H2AC12: variants seen among roughly 807,000 people sequenced by gnomAD.
H2AC12 encodes the protein histone H2A type 1-H.
Under a neutral mutation model 5.8 loss-of-function variants are expected in H2AC12, and 9 were observed. The ratio of observed to expected loss-of-function variants is 1.56; its 90% CI spans 0.94 to 2.71. The LOEUF (loss-of-function observed/expected upper bound fraction) is 2.71. H2AC12 is among the 30% of genes most tolerant of loss of function. H2AC12 has a pLI of 0.00. For missense variants in H2AC12, 232 were observed against 173.1 expected, an observed-to-expected ratio of 1.34 and a Z score of -1.91; for synonymous variants, 158 against 78.1, an observed-to-expected ratio of 2.02 and a Z score of -5.39.
At position 27,147,410 on chromosome 6, in the gene H2AC12, C is replaced by G. The variant is rs960381665; in HGVS notation, c.282C>G (p.Leu94=). ...TGGCCATCCGCAACGACGAGGAGCT[C>G]AACAAGCTGCTGGGCAAAGTCACCA... ...LQLAIRNDEE[L]NKLLGKVTIA... Residue 94 remains leucine (L), a synonymous_variant, in exon 1 of 1, where the codon CTC becomes CTG. Coordinates refer to ENST00000377459, the MANE Select transcript of H2AC12 (RefSeq NM_080596.3). The G allele has an allele frequency of 1.2e-6, 2 of 1,614,090 alleles. No homozygotes were observed. Among genetic ancestry groups the G allele is most frequent in the Admixed American group, 1.7e-5 (1 of 60,000 alleles).
At position 27,147,107 on chromosome 6, in the gene H2AC12, C is replaced by A. The variant is rs749980817; in HGVS notation, c.-22C>A. 1.1e-5 allele frequency: 18 copies of A among 1,579,028 alleles called. No individual in the cohort carries two copies. The Admixed American group carries it at 2.7e-4, about 23-fold the overall frequency. The stretch of plus-strand genomic sequence containing the variant: ...AGGCGCTGCCTTTCCTCGTTGGCTA[C>A]TTTCAGTAAGTTGTGACCAGTATGT... On this transcript the variant is annotated 5_prime_UTR_variant, in exon 1 of 1. Transcript: ENST00000377459.
Position 27,147,136 on chromosome 6 carries a change from G to A in H2AC12, c.8G>A (p.Gly3Glu), listed in dbSNP as rs759523598. The A allele has an allele frequency of 1.9e-6, 3 of 1,610,984 alleles. No individual in the cohort carries two copies. The highest frequency in any genetic ancestry group is 1.7e-6 in the Non-Finnish European group (2 of 1,178,150). The change falls in exon 1 of 1, where the codon GGA (glycine) becomes GAA (glutamate). Residue 3 changes from glycine to glutamate, a missense_variant. Gly to Glu is a moderately conservative substitution (Grantham distance 98). Transcript: ENST00000377459. MS[G>E]RGKQGGKARA... ...CAGTAAGTTGTGACCAGTATGTCTG[G>A]ACGTGGCAAGCAAGGCGGTAAAGCT...
chr6:27,147,458 C>T lies in H2AC12; in HGVS notation c.330C>T (p.Pro110=), dbSNP rs140932541. Residue 110 remains proline, a synonymous_variant, in exon 1 of 1, where the codon CCC becomes CCT. Transcript: ENST00000377459. ...KVTIAQGGVL[P]NIQAVLLPKK... is the part of the protein sequence containing the mutation. ...CCATCGCGCAGGGTGGTGTCTTGCCCAATATCCAGGCCGTGCTGCTGCCTA... is the reference window on the plus strand; with the variant it reads ...CCATCGCGCAGGGTGGTGTCTTGCCTAATATCCAGGCCGTGCTGCTGCCTA... 1.7e-4 allele frequency: 272 copies of T among 1,614,178 alleles called. 1 individual carries two copies. The African/African-American group carries it at 2.7e-3, about 16-fold the overall frequency.
In H2AC12 at chr6:27,147,559, G is replaced by A. The variant is rs1760127593; in HGVS notation, c.*44G>A. 6.2e-7 allele frequency: 1 copy of A among 1,603,564 alleles called. No individual in the cohort carries two copies. Among genetic ancestry groups the A allele is most frequent in the Non-Finnish European group, 8.5e-7 (1 of 1,173,176 alleles). On this transcript the variant is annotated 3_prime_UTR_variant, in exon 1 of 1. Coordinates refer to ENST00000377459, the MANE Select transcript of H2AC12 (RefSeq NM_080596.3). ...CTGGAAAACAAAGGCTCTTTTCAGA[G>A]CCATTCTACACTGTCTTAGAGAAAG... is the stretch of plus-strand genomic sequence containing the variant.
Position 27,147,172 on chromosome 6 carries a change from C to T in H2AC12, c.44C>T (p.Ala15Val), listed in dbSNP as rs757603162. The change falls in exon 1 of 1, where the codon GCC (alanine) becomes GTC (valine). Residue 15 changes from alanine to valine, a missense_variant. Transcript: ENST00000377459. ...GKQGGKARAK[A>V]KTRSSRAGLQ... ...CAAGGCGGTAAAGCTCGCGCCAAGG[C>T]CAAGACCCGCTCTTCTCGGGCTGGG... is the stretch of plus-strand genomic sequence containing the variant. The T allele has an allele frequency of 3.1e-6, 5 of 1,613,610 alleles. No individual in the cohort carries two copies. The highest frequency in any genetic ancestry group is 2.2e-5 in the East Asian group (1 of 44,886).
At position 27,147,233 on chromosome 6, in the gene H2AC12, C is replaced by G; in HGVS notation, c.105C>G (p.Leu35=). The G allele has an allele frequency of 6.2e-7, 1 of 1,614,180 alleles. No individual in the cohort carries two copies. Among genetic ancestry groups the G allele is most frequent in the Non-Finnish European group, 8.5e-7 (1 of 1,180,038 alleles). The change falls in exon 1 of 1, where the codon CTC becomes CTG. Residue 35 remains leucine, a synonymous_variant. Coordinates refer to ENST00000377459, the MANE Select transcript of H2AC12 (RefSeq NM_080596.3). The stretch of plus-strand genomic sequence containing the variant: ...CCGTGGGCCGAGTGCACCGCCTGCT[C>G]CGCAAGGGTAATTATGCCGAGCGGG... ...QFPVGRVHRL[L]RKGNYAERVG...
In H2AC12 at chr6:27,147,163, G is replaced by T; in HGVS notation, c.35G>T (p.Arg12Leu). 1 of 1,613,186 alleles carries T rather than the reference G, an allele frequency of 6.2e-7. No homozygotes were observed. Among genetic ancestry groups the T allele is most frequent in the Non-Finnish European group, 8.5e-7 (1 of 1,179,468 alleles). The change falls in exon 1 of 1, where the codon CGC becomes CTC. Residue 12 changes from arginine (R) to leucine (L), a missense_variant. Transcript: ENST00000377459. ...CGTGGCAAGCAAGGCGGTAAAGCTC[G>T]CGCCAAGGCCAAGACCCGCTCTTCT... The part of the protein sequence containing the change: ...SGRGKQGGKA[R>L]AKAKTRSSRA...
rs1261735703 is a variant in H2AC12, at chr6:27,147,198, C to T, written c.70C>T (p.Leu24Phe). 8.7e-6 allele frequency: 14 copies of T among 1,614,046 alleles called. No homozygotes were observed. Among genetic ancestry groups the T allele is most frequent in the South Asian group, 1.1e-5 (1 of 91,086 alleles). The stretch of plus-strand genomic sequence containing the variant: ...CAAGACCCGCTCTTCTCGGGCTGGG[C>T]TTCAGTTCCCCGTGGGCCGAGTGCA... Reference protein sequence around the residue: ...KAKTRSSRAGLQFPVGRVHRL... With the variant: ...KAKTRSSRAGFQFPVGRVHRL... Residue 24 changes from leucine (L) to phenylalanine (F), a missense_variant, in exon 1 of 1, where the codon CTT becomes TTT. Transcript: ENST00000377459.
In H2AC12 at chr6:27,147,554, T is replaced by C. The variant is rs761461771; in HGVS notation, c.*39T>C. ...GAAAACTGGAAAACAAAGGCTCTTT[T>C]CAGAGCCATTCTACACTGTCTTAGA... On this transcript the variant is annotated 3_prime_UTR_variant, in exon 1 of 1. Transcript: ENST00000377459. The C allele has an allele frequency of 6.2e-7, 1 of 1,605,212 alleles. No individual in the cohort carries two copies. The highest frequency in any genetic ancestry group is 8.5e-7 in the Non-Finnish European group (1 of 1,174,162).
In H2AC12 at chr6:27,147,186, T is replaced by A. The variant is rs1014292781; in HGVS notation, c.58T>A (p.Ser20Thr). ...TCGCGCCAAGGCCAAGACCCGCTCTTCTCGGGCTGGGCTTCAGTTCCCCGT... is the reference window on the plus strand; with the variant it reads ...TCGCGCCAAGGCCAAGACCCGCTCTACTCGGGCTGGGCTTCAGTTCCCCGT... ...KARAKAKTRSSRAGLQFPVGR... is the reference protein window; with the variant it reads ...KARAKAKTRSTRAGLQFPVGR... The change falls in exon 1 of 1, where the codon TCT becomes ACT. Residue 20 changes from serine to threonine, a missense_variant. Physicochemically the swap from Ser to Thr is moderately conservative, Grantham distance 58. Transcript: ENST00000377459. 1.2e-6 allele frequency: 2 copies of A among 1,614,040 alleles called. No homozygotes were observed. Among genetic ancestry groups the A allele is most frequent in the Non-Finnish European group, 8.5e-7 (1 of 1,179,934 alleles).
At position 27,147,507 on chromosome 6, in the gene H2AC12, G is replaced by A. The variant is rs560134956; in HGVS notation, c.379G>A (p.Ala127Thr). Residue 127 changes from alanine to threonine, a missense_variant, in exon 1 of 1, where the codon GCC becomes ACC. By Grantham distance (58) the Ala-to-Thr change is moderately conservative. Coordinates refer to ENST00000377459, the MANE Select transcript of H2AC12 (RefSeq NM_080596.3). Reference protein sequence around the residue: ...LPKKTESHHKAK With the variant: ...LPKKTESHHKTK ...TAAGAAGACTGAGAGCCACCATAAGGCCAAATAAGGAGCGAGGTTGTGAAA... is the reference window on the plus strand; with the variant it reads ...TAAGAAGACTGAGAGCCACCATAAGACCAAATAAGGAGCGAGGTTGTGAAA... 3.7e-6 allele frequency: 6 copies of A among 1,614,000 alleles called. No individual in the cohort carries two copies. Among genetic ancestry groups the A allele is most frequent in the African/African-American group, 2.7e-5 (2 of 75,014 alleles).
Position 27,147,119 on chromosome 6 carries a change from T to G in H2AC12, c.-10T>G. 6.2e-7 allele frequency: 1 copy of G among 1,603,010 alleles called. No individual in the cohort carries two copies. The highest frequency in any genetic ancestry group is 8.5e-7 in the Non-Finnish European group (1 of 1,174,538). On this transcript the variant is annotated 5_prime_UTR_variant, in exon 1 of 1. Coordinates refer to ENST00000377459, the MANE Select transcript of H2AC12 (RefSeq NM_080596.3). ...TCCTCGTTGGCTACTTTCAGTAAGT[T>G]GTGACCAGTATGTCTGGACGTGGCA...
At position 27,147,225 on chromosome 6, in the gene H2AC12, C is replaced by T. The variant is rs1214702425; in HGVS notation, c.97C>T (p.Arg33Cys). Reference protein sequence around the residue: ...GLQFPVGRVHRLLRKGNYAER... With the variant: ...GLQFPVGRVHCLLRKGNYAER... ...TCAGTTCCCCGTGGGCCGAGTGCAC[C>T]GCCTGCTCCGCAAGGGTAATTATGC... The change falls in exon 1 of 1, where the codon CGC (arginine) becomes TGC (cysteine). Residue 33 changes from arginine (R) to cysteine (C), a missense_variant. Transcript: ENST00000377459. The T allele has an allele frequency of 3.1e-6, 5 of 1,614,160 alleles. 1 individual carries two copies. The highest frequency in any genetic ancestry group is 4.2e-6 in the Non-Finnish European group (5 of 1,180,032).
Position 27,147,286 on chromosome 6 carries a change from C to T in H2AC12, c.158C>T (p.Ala53Val), listed in dbSNP as rs1480020382. ...RVGAGAPVYL[A>V]AVLEYLTAEI... ...GGAGCCGGCGCGCCAGTGTACCTGGCTGCGGTGCTGGAGTACCTGACCGCT... is the reference window on the plus strand; with the variant it reads ...GGAGCCGGCGCGCCAGTGTACCTGGTTGCGGTGCTGGAGTACCTGACCGCT... Residue 53 changes from alanine (A) to valine (V), a missense_variant, in exon 1 of 1, where the codon GCT (alanine) becomes GTT (valine). Coordinates refer to ENST00000377459, the MANE Select transcript of H2AC12 (RefSeq NM_080596.3). 3 of 1,614,174 alleles carry T rather than the reference C, an allele frequency of 1.9e-6. No homozygotes were observed. Among genetic ancestry groups the T allele is most frequent in the East Asian group, 2.2e-5 (1 of 44,876 alleles).
rs762858199 is a variant in H2AC12, at chr6:27,147,191, G to C, written c.63G>C (p.Arg21=). The change falls in exon 1 of 1, where the codon CGG becomes CGC. Residue 21 remains arginine (R), a synonymous_variant. Coordinates refer to ENST00000377459, the MANE Select transcript of H2AC12 (RefSeq NM_080596.3). ...CCAAGGCCAAGACCCGCTCTTCTCG[G>C]GCTGGGCTTCAGTTCCCCGTGGGCC... ...ARAKAKTRSS[R]AGLQFPVGRV... 32 of 1,614,016 alleles carry C rather than the reference G, an allele frequency of 2.0e-5. No homozygotes were observed. The East Asian group carries it at 6.9e-4, about 35-fold the overall frequency.
At position 27,147,227 on chromosome 6, in the gene H2AC12, C is replaced by A. The variant is rs574703856; in HGVS notation, c.99C>A (p.Arg33=). The part of the protein sequence containing the change: ...GLQFPVGRVH[R]LLRKGNYAER... ...AGTTCCCCGTGGGCCGAGTGCACCG[C>A]CTGCTCCGCAAGGGTAATTATGCCG... Residue 33 remains arginine, a synonymous_variant, in exon 1 of 1, where the codon CGC becomes CGA. Transcript: ENST00000377459. The A allele has an allele frequency of 6.2e-7, 1 of 1,614,168 alleles. No homozygotes were observed. The highest frequency in any genetic ancestry group is 1.3e-5 in the African/African-American group (1 of 75,054).
chr6:27,147,560 C>G lies in H2AC12; in HGVS notation c.*45C>G, dbSNP rs890431679. On this transcript the variant is annotated 3_prime_UTR_variant, in exon 1 of 1. Transcript: ENST00000377459. ...TGGAAAACAAAGGCTCTTTTCAGAG[C>G]CATTCTACACTGTCTTAGAGAAAGC... 1 of 1,595,822 alleles carries G rather than the reference C, an allele frequency of 6.3e-7. No homozygotes were observed. The highest frequency in any genetic ancestry group is 1.3e-5 in the African/African-American group (1 of 74,376).
rs774368505 is a variant in H2AC12, at chr6:27,147,230, G to A, written c.102G>A (p.Leu34=). Residue 34 remains leucine, a synonymous_variant, in exon 1 of 1, where the codon CTG becomes CTA. Transcript: ENST00000377459. The stretch of plus-strand genomic sequence containing the variant: ...TCCCCGTGGGCCGAGTGCACCGCCT[G>A]CTCCGCAAGGGTAATTATGCCGAGC... ...LQFPVGRVHR[L]LRKGNYAERV... is the part of the protein sequence containing the mutation. 7 of 1,614,186 alleles carry A rather than the reference G, an allele frequency of 4.3e-6. No homozygotes were observed. Among genetic ancestry groups the A allele is most frequent in the Non-Finnish European group, 5.9e-6 (7 of 1,180,040 alleles).
rs2113656220 is a variant in H2AC12 at position 27,147,516 on chromosome 6, G to A, written c.*1G>A. On this transcript the variant is annotated 3_prime_UTR_variant, in exon 1 of 1. Coordinates refer to ENST00000377459, the MANE Select transcript of H2AC12 (RefSeq NM_080596.3). ...TGAGAGCCACCATAAGGCCAAATAAGGAGCGAGGTTGTGAAAACTGGAAAA... is the reference window on the plus strand; with the variant it reads ...TGAGAGCCACCATAAGGCCAAATAAAGAGCGAGGTTGTGAAAACTGGAAAA... 6.2e-7 allele frequency: 1 copy of A among 1,613,468 alleles called. No homozygotes were observed. The highest frequency in any genetic ancestry group is 8.5e-7 in the Non-Finnish European group (1 of 1,179,680).
Sources: allele counts gnomAD v4.1 joint callset, GRCh38; gene constraint gnomAD v4.1.1; transcripts MANE v1.5; gene names NCBI Gene and HGNC (gene_info 2026-07-23, HGNC 2026-07-21).